The following TMEM71 variants were observed in gnomAD, a reference collection of about 807,000 sequenced individuals.
TMEM71 encodes transmembrane protein 71.
Under a neutral mutation model 38.0 loss-of-function variants are expected in TMEM71, and 44 were observed. The observed-to-expected ratio is 1.16, with a 90% confidence interval of 0.91 to 1.49. The LOEUF (loss-of-function observed/expected upper bound fraction) is 1.49. Ranked by LOEUF, TMEM71 falls within the 40% of genes most tolerant of loss-of-function variation. TMEM71 has a pLI of 0.00. For synonymous variants in TMEM71, 133 were observed against 122.5 expected (o/e 1.09, Z -0.56); for missense variants, 367 against 348.6 (o/e 1.05, Z -0.42).
At position 132,714,027 on chromosome 8, in the gene TMEM71, A is replaced by T; in HGVS notation, c.840T>A (p.Leu280=). The T allele has an allele frequency of 6.2e-7, 1 of 1,614,096 alleles. No homozygotes were observed. The highest frequency in any genetic ancestry group is 8.5e-7 in the Non-Finnish European group (1 of 1,179,958). The change falls in exon 9 of 10, where the codon CTT becomes CTA. Residue 280 remains leucine (L), a synonymous_variant. Coordinates refer to ENST00000677595, the MANE Select transcript of TMEM71 (RefSeq NM_001382403.1). Reference sequence around the variant, plus strand: ...AGGCAGTGGTTTTGAAATAGCTGGCAAGGCTGAGAAACAATGATTTCACAT... The same window carrying T: ...AGGCAGTGGTTTTGAAATAGCTGGCTAGGCTGAGAAACAATGATTTCACAT... ...VAYVKSLFLS[L]ASYFKTTACA...
the TMEM71 span, among the ~76,000 whole-genome samples, chr8:132,774,025 G>A: frequency 0.019 from 2,957 of 152,280 alleles, 92 homozygotes; most frequent in African/African-American, 0.067. Flanking sequence ...ATCATCTCAA[G>A]CAGTGCTTTA....
At chr8:132,720,049 CT>C (rs1826756090) in intron 7 of TMEM71, among the ~76,000 whole-genome samples, 1 of 151,650 alleles carries the variant, frequency 6.6e-6, no homozygotes, top group Non-Finnish European at 1.5e-5. Context: ...TTTTTTTCTG[CT>C]ATTTTTCTTT....
chr8:132,707,772 A>G (rs1407748272), downstream of TMEM71, among the ~76,000 whole-genome samples: 2 of 152,184 alleles, frequency 1.3e-5, no homozygotes, highest in East Asian at 3.8e-4. Flanking sequence ...AAAACAAGGC[A>G]TTTGCCTTAT....
At chr8:132,740,515 T>C (rs1827977767) in intron 5 of TMEM71, among the ~76,000 whole-genome samples, 1 of 152,230 alleles carries the variant, frequency 6.6e-6, no homozygotes, top group Non-Finnish European at 1.5e-5. Flanking sequence ...TATTCACCAC[T>C]ATGTCCATTG....
At chr8:132,757,111 T>C in intron 3 of TMEM71, 123 bp downstream of exon 3, 1 of 503,122 alleles carries the variant, frequency 2.0e-6, no homozygotes, top group East Asian at 4.5e-5. Flanking sequence ...TTAGCCAGGA[T>C]GGTCTCCATC....
chr8:132,718,920 T>C (rs1586785123), intron 7 of TMEM71, among the ~76,000 whole-genome samples: 1 of 152,110 alleles, frequency 6.6e-6, no homozygotes, highest in African/African-American at 2.4e-5. Context: ...TACGAATAAA[T>C]ACAAAAAGGA....
intron 6 of TMEM71, among the ~76,000 whole-genome samples, chr8:132,723,111 G>A (rs1184801451): frequency 6.6e-6 from 1 of 152,160 alleles, no homozygotes; most frequent in African/African-American, 2.4e-5. Context: ...AACCTACTTA[G>A]CCCATAATGC....
chr8:132,754,995 G>A (rs957251455), intron 3 of TMEM71, among the ~76,000 whole-genome samples: 2 of 152,160 alleles, frequency 1.3e-5, no homozygotes, highest in South Asian at 2.1e-4. Flanking sequence ...GCTTACAAGT[G>A]GGAGAGGCAA....
At position 132,718,392 on chromosome 8, in the gene TMEM71, T is replaced by C. The variant is rs1469219255; in HGVS notation, c.752+3648A>G. 3.1e-5 allele frequency among the ~76,000 whole-genome samples: 4 copies of C among 130,552 alleles called. No homozygotes were observed. In the East Asian group the frequency reaches 8.0e-4, roughly 26 times the overall value. 85.6% of individuals were successfully genotyped at this position (130,552 alleles called of 152,430 possible). A position where few individuals can be genotyped will look rare whatever the true frequency, so the allele number is the denominator to read the frequency against. ...ATTATGGAATCTCCCTACCTGGGGA[T>C]TTTCTCTTTTTTTTTTTTTTTTTGA... On this transcript the variant is annotated intron_variant, in intron 7 of 9. Transcript: ENST00000677595.
chr8:132,727,317 C>T (rs1020582518), intron 6 of TMEM71, among the ~76,000 whole-genome samples: 9 of 150,084 alleles, frequency 6.0e-5, no homozygotes, highest in African/African-American at 1.2e-4. Context: ...AGTGCAATGG[C>T]GCGATCTCAG....
In TMEM71 at chr8:132,751,997, A is replaced by G; in HGVS notation, c.102T>C (p.Ser34=). The G allele has an allele frequency of 1.2e-6, 2 of 1,613,762 alleles. No homozygotes were observed. Among genetic ancestry groups the G allele is most frequent in the South Asian group, 2.2e-5 (2 of 91,064 alleles). The change falls in exon 4 of 10, where the codon AGT becomes AGC. Residue 34 remains serine, a splice_region_variant and synonymous_variant. Coordinates refer to ENST00000677595, the MANE Select transcript of TMEM71 (RefSeq NM_001382403.1). ...GELSPTCIFP[S]FTCDSLDGYH... ...AACCATCCAGGGAATCACAGGTGAA[A>G]CTAAGAAGGAAAAGATAACGCACTT... is the stretch of plus-strand genomic sequence containing the variant.
chr8:132,754,320 A>G (rs1828885909), intron 3 of TMEM71, among the ~76,000 whole-genome samples: 1 of 152,164 alleles, frequency 6.6e-6, no homozygotes, highest in Non-Finnish European at 1.5e-5. Flanking sequence ...ATCTAAATAA[A>G]CTATCGATTT....
the TMEM71 span, among the ~76,000 whole-genome samples, chr8:132,773,932 C>T: frequency 6.6e-6 from 1 of 151,952 alleles, no homozygotes; most frequent in African/African-American, 2.4e-5. Context: ...TTATTTTTTT[C>T]CTTATACAAC....
chr8:132,709,238 T>G (rs1215179180), downstream of TMEM71, among the ~76,000 whole-genome samples: 2 of 152,206 alleles, frequency 1.3e-5, no homozygotes, highest in Non-Finnish European at 2.9e-5. Context: ...TGCATTTAGT[T>G]CTCCATTAAA....
chr8:132,764,789 C>A (rs1376145834), upstream of TMEM71, among the ~76,000 whole-genome samples: 1 of 152,230 alleles, frequency 6.6e-6, no homozygotes, highest in African/African-American at 2.4e-5. Context: ...AACTAATGAG[C>A]CAAGTTTCTG....
chr8:132,734,024 G>A (rs1323124928), intron 5 of TMEM71, among the ~76,000 whole-genome samples: 2 of 152,092 alleles, frequency 1.3e-5, no homozygotes, highest in Non-Finnish European at 2.9e-5. Context: ...GAAATTGGGA[G>A]CCATTGTTCA....
chr8:132,757,089 G>T (rs1349833635), intron 3 of TMEM71, 145 bp downstream of exon 3: 2 of 422,300 alleles, frequency 4.7e-6, no homozygotes, highest in Non-Finnish European at 9.1e-6. Context: ...GTGGAGACGG[G>T]GTTTCACCGT....
chr8:132,717,148 T>C (rs1826576961), intron 7 of TMEM71, among the ~76,000 whole-genome samples: 1 of 152,012 alleles, frequency 6.6e-6, no homozygotes. Flanking sequence ...AAAAGATGGG[T>C]GAGAAACTTC....
downstream of TMEM71, among the ~76,000 whole-genome samples, chr8:132,707,178 A>G (rs1444479759): frequency 1.3e-5 from 2 of 152,160 alleles, no homozygotes; most frequent in African/African-American, 4.8e-5. Flanking sequence ...AAACAAATAA[A>G]ACCAGGCAGA....
Sources: allele counts gnomAD v4.1 joint callset (sites outside exome capture counted in the v4.1 genomes callset), GRCh38; gene constraint gnomAD v4.1.1; transcripts MANE v1.5; gene names NCBI Gene and HGNC (gene_info 2026-07-23, HGNC 2026-07-21).